CHST11: variants seen among roughly 807,000 people sequenced by gnomAD.
The protein encoded by CHST11 is C4S-1.
CHST11 carries 9 observed loss-of-function variants against 30.4 expected under a neutral mutation model. The ratio of observed to expected loss-of-function variants is 0.30; its 90% CI spans 0.18 to 0.52. The LOEUF is 0.52. Ranked by LOEUF, CHST11 falls within the 20% of genes least tolerant of loss-of-function variation. The probability of loss-of-function intolerance (pLI) is 0.97; values close to 1 mark genes in which losing one functional copy is unlikely to be tolerated. For missense variants in CHST11, 348 were observed against 460.6 expected (o/e 0.76, Z 2.24); for synonymous variants, 152 against 187.8 (o/e 0.81, Z 1.56).
intron 2 of CHST11, among the ~76,000 whole-genome samples, chr12:104,752,902 A>G (rs1285662248): frequency 1.3e-5 from 2 of 152,188 alleles, no homozygotes; most frequent in African/African-American, 4.8e-5. Context: ...TAAGCCATTC[A>G]TTCATTCATT....
intron 1 of CHST11, among the ~76,000 whole-genome samples, chr12:104,595,591 A>C (rs1221108990): frequency 6.6e-6 from 1 of 152,188 alleles, no homozygotes; most frequent in Admixed American, 6.5e-5. Flanking sequence ...GGAGAAAACG[A>C]GGCCCAGGGA....
At chr12:104,514,637 A>G (rs767238052) in intron 1 of CHST11, among the ~76,000 whole-genome samples, 1 of 152,172 alleles carries the variant, frequency 6.6e-6, no homozygotes, top group Non-Finnish European at 1.5e-5. Flanking sequence ...GGAAGCTTCC[A>G]CTCAGGATTG....
At chr12:104,674,604 A>C (rs2039723501) in intron 2 of CHST11, among the ~76,000 whole-genome samples, 1 of 152,218 alleles carries the variant, frequency 6.6e-6, no homozygotes, top group Non-Finnish European at 1.5e-5. Context: ...AAATGCCTGA[A>C]TAATTTCGAA....
chr12:104,507,989 C>T (rs966465620), intron 1 of CHST11, among the ~76,000 whole-genome samples: 2 of 152,130 alleles, frequency 1.3e-5, no homozygotes, highest in African/African-American at 4.8e-5. Context: ...TTGCAATCTA[C>T]CATGAGTACT....
intron 2 of CHST11, among the ~76,000 whole-genome samples, chr12:104,605,726 A>G (rs1035607975): frequency 6.6e-6 from 1 of 152,234 alleles, no homozygotes; most frequent in Non-Finnish European, 1.5e-5. Context: ...GAATCAAGTC[A>G]CCGAAAGTTC....
intron 2 of CHST11, among the ~76,000 whole-genome samples, chr12:104,697,240 G>C (rs1239316556): frequency 6.6e-6 from 1 of 152,184 alleles, no homozygotes; most frequent in East Asian, 1.9e-4. Flanking sequence ...GTGACAATGT[G>C]ACTGGATTAA....
chr12:104,743,419 G>A (rs1195943996), intron 2 of CHST11, among the ~76,000 whole-genome samples: 1 of 152,110 alleles, frequency 6.6e-6, no homozygotes. Flanking sequence ...GTGAGCAGGG[G>A]CAGCTGGGCT....
At chr12:104,573,073 G>GACAA (rs2038645176) in intron 1 of CHST11, among the ~76,000 whole-genome samples, 2 of 152,078 alleles carry the variant, frequency 1.3e-5, no homozygotes, top group East Asian at 1.9e-4. Flanking sequence ...ACCAATAACA[G>GACAA]ACAGAGAGCC....
intron 1 of CHST11, among the ~76,000 whole-genome samples, chr12:104,508,042 C>T (rs984884225): frequency 6.6e-6 from 1 of 152,204 alleles, no homozygotes; most frequent in African/African-American, 2.4e-5. Context: ...ATCCACTTAC[C>T]AGTCTTAGGA....
chr12:104,606,175 C>T (rs985842419), intron 2 of CHST11, among the ~76,000 whole-genome samples: 2 of 106,980 alleles, frequency 1.9e-5, no homozygotes, highest in African/African-American at 7.6e-5. Flanking sequence ...GGGCGGGGGG[C>T]GGGGGGGGGA....
chr12:104,753,692 G>A (rs1326964545), intron 2 of CHST11, among the ~76,000 whole-genome samples: 1 of 152,198 alleles, frequency 6.6e-6, no homozygotes, highest in Non-Finnish European at 1.5e-5. Context: ...CCACCAGTTG[G>A]CTACCCTGGA....
At chr12:104,522,109 C>T (rs76280847) in intron 1 of CHST11, among the ~76,000 whole-genome samples, 2,177 of 151,694 alleles carry the variant, frequency 0.014, 55 homozygotes, top group African/African-American at 0.051. Context: ...TTCCTTATGC[C>T]GGCACTGGCT....
At chr12:104,702,734 G>C (rs11610463) in intron 2 of CHST11, among the ~76,000 whole-genome samples, 5,024 of 152,244 alleles carry the variant, frequency 0.033, 83 homozygotes, top group East Asian at 0.049. Flanking sequence ...CTTCAAGCAC[G>C]TTGTGAACAT....
At chr12:104,588,645 T>C (rs1036953743) in intron 1 of CHST11, among the ~76,000 whole-genome samples, 4 of 152,214 alleles carry the variant, frequency 2.6e-5, no homozygotes, top group Non-Finnish European at 4.4e-5. Flanking sequence ...CTGAAGTCCA[T>C]CCCGGTGATG....
intron 2 of CHST11, among the ~76,000 whole-genome samples, chr12:104,671,254 C>T (rs185898011): frequency 1.8e-4 from 27 of 152,272 alleles, no homozygotes; most frequent in Admixed American, 5.9e-4. Flanking sequence ...TTGCTGCGCC[C>T]GTGATCCTAA....
At chr12:104,610,024 T>C (rs2039042904) in intron 2 of CHST11, among the ~76,000 whole-genome samples, 3 of 151,260 alleles carry the variant, frequency 2.0e-5, no homozygotes, top group Non-Finnish European at 4.4e-5. Flanking sequence ...CGCACTGATT[T>C]ATAAAGCCAT....
At chr12:104,535,069 CA>C (rs2038224335) in intron 1 of CHST11, among the ~76,000 whole-genome samples, 1 of 152,218 alleles carries the variant, frequency 6.6e-6, no homozygotes, top group Admixed American at 6.5e-5. Context: ...GTTATAAAAT[CA>C]CTCCTTGTGG....
At chr12:104,693,170 C>G (rs747158965) in intron 2 of CHST11, among the ~76,000 whole-genome samples, 3 of 152,196 alleles carry the variant, frequency 2.0e-5, no homozygotes, top group Non-Finnish European at 4.4e-5. Context: ...GCCCCGCCCC[C>G]CAAAGAACTC....
intron 1 of CHST11, among the ~76,000 whole-genome samples, chr12:104,579,039 A>G (rs1000071233): frequency 2.6e-5 from 4 of 152,258 alleles, no homozygotes; most frequent in African/African-American, 9.6e-5. Flanking sequence ...AGAAGCCATG[A>G]GAAGGTGCCC....
Sources: allele counts gnomAD v4.1 joint callset (sites outside exome capture counted in the v4.1 genomes callset), GRCh38; gene constraint gnomAD v4.1.1; transcripts MANE v1.5; gene names NCBI Gene and HGNC (gene_info 2026-07-23, HGNC 2026-07-21).